Variants in ANKS1B observed in about 807,000 individuals in gnomAD.
The protein encoded by ANKS1B is ankyrin repeat and sterile alpha motif domain containing 1B.
A neutral mutation model predicts 148.3 loss-of-function variants in ANKS1B; 36 were observed. The ratio of observed to expected loss-of-function variants is 0.24; its 90% CI spans 0.19 to 0.32. The LOEUF (loss-of-function observed/expected upper bound fraction) is 0.32, where lower values mean the gene tolerates loss of function less well. Among genes scored for constraint, ANKS1B ranks in the 10% least tolerant of loss-of-function variants. ANKS1B has a pLI of 1.00. For missense variants in ANKS1B, 1,157 were observed against 1,542.6 expected, an observed-to-expected ratio of 0.75 and a Z score of 4.19; for synonymous variants, 542 against 560.8, an observed-to-expected ratio of 0.97 and a Z score of 0.47.
intron 15 of ANKS1B, among the ~76,000 whole-genome samples, chr12:99,101,143 C>T (rs909388438): frequency 2.0e-5 from 3 of 152,116 alleles, no homozygotes; most frequent in African/African-American, 7.2e-5. Context: ...AGGTAGCCAG[C>T]CTTGTAAGCG....
At chr12:99,366,215 C>G (rs921609926) in intron 12 of ANKS1B, among the ~76,000 whole-genome samples, 1 of 152,180 alleles carries the variant, frequency 6.6e-6, no homozygotes, top group African/African-American at 2.4e-5. Context: ...ATTTCTCTCC[C>G]TTTCTTTCTG....
chr12:99,581,372 C>T, intron 9 of ANKS1B, among the ~76,000 whole-genome samples: 1 of 152,020 alleles, frequency 6.6e-6, no homozygotes, highest in East Asian at 1.9e-4. Context: ...GGAAATGAAC[C>T]TCAAACCTTA....
chr12:98,960,867 C>T (rs902601172), intron 17 of ANKS1B, among the ~76,000 whole-genome samples: 1 of 152,008 alleles, frequency 6.6e-6, no homozygotes, highest in African/African-American at 2.4e-5. Context: ...AATTAACATA[C>T]TGAAGAATGC....
intron 1 of ANKS1B, among the ~76,000 whole-genome samples, chr12:99,912,383 A>T (rs2094032570): frequency 6.7e-6 from 1 of 149,570 alleles, no homozygotes; most frequent in Non-Finnish European, 1.5e-5. Context: ...ACAGAGTCTC[A>T]CTCTGTTGCC....
At chr12:99,922,956 T>C (rs1270041332) in intron 1 of ANKS1B, among the ~76,000 whole-genome samples, 2 of 152,162 alleles carry the variant, frequency 1.3e-5, no homozygotes, top group African/African-American at 4.8e-5. Flanking sequence ...AAAAAATTCT[T>C]TTCCTTATAA....
chr12:98,760,400 G>A (rs1044821732), intron 25 of ANKS1B, among the ~76,000 whole-genome samples: 2 of 152,138 alleles, frequency 1.3e-5, no homozygotes, highest in African/African-American at 2.4e-5. Context: ...GAGTAGCTGG[G>A]ACCACAGGTA....
At chr12:98,948,765 A>ACCC (rs1384115911) in intron 17 of ANKS1B, among the ~76,000 whole-genome samples, 3 of 127,320 alleles carry the variant, frequency 2.4e-5, no homozygotes, top group African/African-American at 1.1e-4. Context: ...TCACACACCC[A>ACCC]CACCCCCCCC....
intron 9 of ANKS1B, among the ~76,000 whole-genome samples, chr12:99,516,847 T>C (rs114660110): frequency 0.01 from 1,567 of 152,226 alleles, 43 homozygotes; most frequent in African/African-American, 0.037. Flanking sequence ...TGTTTCTGTG[T>C]TCTCTATTCT....
chr12:99,963,779 TG>T (rs556926302), intron 1 of ANKS1B, among the ~76,000 whole-genome samples: 119 of 152,346 alleles, frequency 7.8e-4, no homozygotes, highest in African/African-American at 2.6e-3. Context: ...ATAAGACCTG[TG>T]CAGATGTGCC....
chr12:99,942,753 G>A (rs1173036350), intron 1 of ANKS1B, among the ~76,000 whole-genome samples: 3 of 152,010 alleles, frequency 2.0e-5, no homozygotes, highest in Non-Finnish European at 4.4e-5. Context: ...AACAAGCTAG[G>A]TAGGATCCCA....
intron 9 of ANKS1B, among the ~76,000 whole-genome samples, chr12:99,593,707 G>C (rs2153263200): frequency 6.6e-6 from 1 of 152,180 alleles, no homozygotes; most frequent in African/African-American, 2.4e-5. Flanking sequence ...TTTGTTAAAT[G>C]AAGTAAAATG....
intron 10 of ANKS1B, among the ~76,000 whole-genome samples, chr12:99,444,717 A>G (rs1567113643): frequency 6.6e-6 from 1 of 152,012 alleles, no homozygotes; most frequent in Non-Finnish European, 1.5e-5. Context: ...TGCCAAAAAA[A>G]TAAAAAATAA....
At position 98,744,679 on chromosome 12, in the gene ANKS1B, CTT is replaced by C. The variant is rs201362499; in HGVS notation, c.*1058_*1059del. On this transcript the variant is annotated 3_prime_UTR_variant, in exon 27 of 27. Transcript: ENST00000683438. ...AAGTTTTATTACTTTGGAATTTCTTCTTTTTTTTTTTTGTATTTATTTTTTCT... is the reference window on the plus strand; with the variant it reads ...AAGTTTTATTACTTTGGAATTTCTTCTTTTTTTTTTGTATTTATTTTTTCT... 93 of 721,372 alleles carry C rather than the reference CTT, an allele frequency of 1.3e-4. No homozygotes were observed. Among genetic ancestry groups the C allele is most frequent in the Non-Finnish European group, 1.4e-4 (85 of 596,344 alleles). 44.7% of individuals were successfully genotyped at this position (721,372 alleles called of 1,614,324 possible). A position where few individuals can be genotyped will look rare whatever the true frequency, so the allele number is the denominator to read the frequency against.
intron 4 of ANKS1B, among the ~76,000 whole-genome samples, chr12:99,800,620 A>C (rs1018479780): frequency 1.3e-4 from 20 of 152,120 alleles, no homozygotes; most frequent in Non-Finnish European, 5.9e-5. Flanking sequence ...GAAACCGTAA[A>C]ATTCTGGGCC....
chr12:99,397,937 C>T (rs2094297869), intron 12 of ANKS1B, among the ~76,000 whole-genome samples: 2 of 152,012 alleles, frequency 1.3e-5, no homozygotes, highest in Non-Finnish European at 2.9e-5. Flanking sequence ...GGCAGAGATT[C>T]CAGGCAGAAG....
At position 99,975,417 on chromosome 12, in the gene ANKS1B, C is replaced by T. The variant is rs936445058; in HGVS notation, c.134+8687G>A. Among the ~76,000 whole-genome samples, 98 of 152,290 alleles carry T rather than the reference C, an allele frequency of 6.4e-4. 1 individual carries two copies. The highest frequency in any genetic ancestry group is 2.2e-3 in the African/African-American group (90 of 41,568). ...GAAAGAAAAGGCACTGGGTCCATGA[C>T]GTTAGAGGATAAATTAACATTGAGG... On this transcript the variant is annotated intron_variant, in intron 1 of 26. Coordinates refer to ENST00000683438, the MANE Select transcript of ANKS1B (RefSeq NM_001352186.2).
intron 1 of ANKS1B, among the ~76,000 whole-genome samples, chr12:99,841,143 T>C (rs2085679295): frequency 6.6e-6 from 1 of 152,062 alleles, no homozygotes; most frequent in Non-Finnish European, 1.5e-5. Flanking sequence ...CAGTAATAGC[T>C]AGCTCATAGG....
intron 10 of ANKS1B, among the ~76,000 whole-genome samples, chr12:99,478,315 T>A (rs2096358027): frequency 6.6e-6 from 1 of 152,182 alleles, no homozygotes; most frequent in Admixed American, 6.6e-5. Flanking sequence ...TACCTCTGTT[T>A]CTTTCACCTT....
chr12:99,520,342 A>C (rs1018980686), intron 9 of ANKS1B, among the ~76,000 whole-genome samples: 4 of 152,212 alleles, frequency 2.6e-5, no homozygotes, highest in Non-Finnish European at 5.9e-5. Context: ...TTCACCAGAT[A>C]TACTATTCCT....
Sources: allele counts gnomAD v4.1 joint callset (sites outside exome capture counted in the v4.1 genomes callset), GRCh38; gene constraint gnomAD v4.1.1; transcripts MANE v1.5; gene names NCBI Gene and HGNC (gene_info 2026-07-23, HGNC 2026-07-21).